The following TRHDE variants were observed in gnomAD, a reference collection of about 807,000 sequenced individuals.
TRHDE encodes the protein thyrotropin releasing hormone degrading enzyme.
Under a neutral mutation model 125.7 loss-of-function variants are expected in TRHDE, and 72 were observed. The ratio of observed to expected loss-of-function variants is 0.57; its 90% CI spans 0.47 to 0.70. TRHDE has a LOEUF of 0.70. Ranked by LOEUF, TRHDE falls within the 30% of genes least tolerant of loss-of-function variation. The pLI, the probability that TRHDE is intolerant of heterozygous loss-of-function variation, is 0.00. For missense variants in TRHDE, 1,110 were observed against 1,327.1 expected, an observed-to-expected ratio of 0.84 and a Z score of 2.54; for synonymous variants, 509 against 509.1, an observed-to-expected ratio of 1.00 and a Z score of 0.00.
At chr12:72,390,847 A>T (rs1872587762) in intron 3 of TRHDE, among the ~76,000 whole-genome samples, 1 of 152,166 alleles carries the variant, frequency 6.6e-6, no homozygotes, top group South Asian at 2.1e-4. Flanking sequence ...TTTGCTGTAA[A>T]CTATGGGATA....
At chr12:72,586,435 T>C (rs542460533) in intron 12 of TRHDE, among the ~76,000 whole-genome samples, 14 of 152,286 alleles carry the variant, frequency 9.2e-5, no homozygotes, top group South Asian at 2.1e-4. Flanking sequence ...TATCCTTATG[T>C]GGAGTGGAGT....
Position 72,451,114 on chromosome 12 carries a change from A to G in TRHDE, c.1316-18644A>G, listed in dbSNP as rs373751471. ...ATTGTTTCCTTTGCTGCATAGAAGT[A>G]TTTTAGTTTGATATAATCTGATTTG... On this transcript the variant is annotated intron_variant, in intron 3 of 18. Coordinates refer to ENST00000261180, the MANE Select transcript of TRHDE (RefSeq NM_013381.3). Among the ~76,000 whole-genome samples the G allele has an allele frequency of 3.9e-5, 6 of 152,174 alleles. No individual in the cohort carries two copies. In the South Asian group the frequency reaches 1.2e-3, roughly 31 times the overall value.
intron 2 of TRHDE, among the ~76,000 whole-genome samples, chr12:72,202,665 G>A (rs1350140667): frequency 6.6e-6 from 1 of 152,160 alleles, no homozygotes; most frequent in East Asian, 1.9e-4. Context: ...TCCACTTCCT[G>A]TGGGAATCTT....
At chr12:72,424,343 A>G (rs1874095538) in intron 3 of TRHDE, among the ~76,000 whole-genome samples, 1 of 152,042 alleles carries the variant, frequency 6.6e-6, no homozygotes, top group African/African-American at 2.4e-5. Context: ...TATCAATCAT[A>G]TTGGATTAAG....
intron 2 of TRHDE, among the ~76,000 whole-genome samples, chr12:72,319,302 A>G (rs1374023739): frequency 6.6e-6 from 1 of 152,128 alleles, no homozygotes; most frequent in Non-Finnish European, 1.5e-5. Flanking sequence ...TCCTTCCTTG[A>G]CTTCCTCTGT....
At chr12:72,379,312 T>C (rs1390605989) in intron 3 of TRHDE, among the ~76,000 whole-genome samples, 1 of 152,252 alleles carries the variant, frequency 6.6e-6, no homozygotes, top group African/African-American at 2.4e-5. Context: ...AAATATGTAC[T>C]TTTAGAATTC....
At chr12:72,165,268 T>G (rs1876719185) in intron 2 of TRHDE, among the ~76,000 whole-genome samples, 1 of 152,150 alleles carries the variant, frequency 6.6e-6, no homozygotes, top group African/African-American at 2.4e-5. Flanking sequence ...AAATTCAAGT[T>G]TTCAGTTCAC....
At chr12:72,246,278 TAGAG>T (rs199648843) in intron 2 of TRHDE, among the ~76,000 whole-genome samples, 18 of 152,266 alleles carry the variant, frequency 1.2e-4, no homozygotes, top group African/African-American at 3.4e-4. Context: ...GCCAACCAAA[TAGAG>T]AGAGACTGAA....
chr12:72,657,621 G>A (rs1385732861), intron 18 of TRHDE, among the ~76,000 whole-genome samples: 6 of 152,098 alleles, frequency 3.9e-5, no homozygotes. Context: ...TTAAGGACTG[G>A]TGTCCAGGTT....
At chr12:72,104,276 G>T (rs1212992745) in intron 1 of TRHDE, among the ~76,000 whole-genome samples, 1 of 152,150 alleles carries the variant, frequency 6.6e-6, no homozygotes, top group Non-Finnish European at 1.5e-5. Flanking sequence ...GCTCAACTAT[G>T]TGGTCCTTCC....
chr12:72,213,291 C>T (rs1877821535), intron 2 of TRHDE, among the ~76,000 whole-genome samples: 1 of 151,422 alleles, frequency 6.6e-6, no homozygotes, highest in South Asian at 2.1e-4. Context: ...CACAATCCTG[C>T]AAATATACTA....
intron 12 of TRHDE, among the ~76,000 whole-genome samples, chr12:72,580,193 T>G (rs181393678): frequency 1.5e-3 from 229 of 152,350 alleles, no homozygotes; most frequent in African/African-American, 5.0e-3. Flanking sequence ...TCTTCATTTA[T>G]TCAGGTCCCA....
intron 12 of TRHDE, among the ~76,000 whole-genome samples, chr12:72,617,002 A>G (rs1374375533): frequency 6.6e-6 from 1 of 152,078 alleles, no homozygotes; most frequent in Admixed American, 6.6e-5. Context: ...TTTTTCAGGG[A>G]GCAACAAACC....
chr12:72,527,068 CTTAT>C (rs143909907), intron 6 of TRHDE, among the ~76,000 whole-genome samples: 2,320 of 152,174 alleles, frequency 0.015, 60 homozygotes, highest in African/African-American at 0.052. Context: ...TGCTCTTATG[CTTAT>C]TTAGTGTTTT....
intron 9 of TRHDE, among the ~76,000 whole-genome samples, chr12:72,565,268 T>G (rs7970163): frequency 0.27 from 40,447 of 151,984 alleles, 8,115 homozygotes; most frequent in African/African-American, 0.54. Flanking sequence ...ATCTGTATAT[T>G]TTCTGAGCCA....
intron 15 of TRHDE, among the ~76,000 whole-genome samples, chr12:72,645,691 A>G (rs187337335): frequency 8.6e-5 from 13 of 151,846 alleles, no homozygotes; most frequent in East Asian, 1.9e-4. Context: ...TGGCAAAAGT[A>G]AAAAAGAGAA....
chr12:72,187,503 TGGTGGA>T (rs1206031724), intron 2 of TRHDE, among the ~76,000 whole-genome samples: 3 of 136,832 alleles, frequency 2.2e-5, no homozygotes, highest in South Asian at 2.7e-4. Flanking sequence ...GTGGTGGTGG[TGGTGGA>T]GGAGGAGGAG....
chr12:72,347,413 T>C (rs2135736471), intron 2 of TRHDE, among the ~76,000 whole-genome samples: 1 of 152,230 alleles, frequency 6.6e-6, no homozygotes, highest in African/African-American at 2.4e-5. Context: ...GTGTAACAAA[T>C]TACCTCAAAA....
intron 7 of TRHDE, among the ~76,000 whole-genome samples, chr12:72,551,859 G>C (rs1317783081): frequency 6.6e-6 from 1 of 152,142 alleles, no homozygotes; most frequent in East Asian, 1.9e-4. Flanking sequence ...AGCAACTCTA[G>C]ATCGGGTGTT....
Sources: gnomAD v4.1 joint callset for allele counts (sites outside exome capture counted in the v4.1 genomes callset) on GRCh38, gnomAD v4.1.1 for gene constraint, MANE v1.5 for transcripts, NCBI Gene and HGNC (gene_info 2026-07-23, HGNC 2026-07-21) for gene names.